TBXAS1: variants seen among roughly 807,000 people sequenced by gnomAD.
TBXAS1 encodes the protein thromboxane A synthase 1.
TBXAS1 carries 48 observed loss-of-function variants against 60.7 expected under a neutral mutation model. The ratio of observed to expected loss-of-function variants is 0.79; its 90% CI spans 0.63 to 1.01. The LOEUF is 1.01. TBXAS1 is among the 50% of genes least tolerant of loss of function. The pLI is 0.00. For synonymous variants in TBXAS1, 287 were observed against 269.7 expected (o/e 1.06, Z -0.63); for missense variants, 685 against 686.3 (o/e 1.00, Z 0.02).
chr7:139,878,030 C>A (rs1802379083), intron 3 of TBXAS1, among the ~76,000 whole-genome samples: 1 of 151,068 alleles, frequency 6.6e-6, no homozygotes, highest in Non-Finnish European at 1.5e-5. Flanking sequence ...CAAAGTAGAG[C>A]CTTTGGGTAT....
intron 1 of TBXAS1, among the ~76,000 whole-genome samples, chr7:139,831,968 G>A (rs764610233): frequency 8.6e-5 from 13 of 150,656 alleles, no homozygotes; most frequent in Non-Finnish European, 1.6e-4. Context: ...AAGGATGGGA[G>A]GATGGAGGGA....
At chr7:139,803,738 G>A (rs937921395) in intron 4 of TBXAS1, among the ~76,000 whole-genome samples, 1 of 152,202 alleles carries the variant, frequency 6.6e-6, no homozygotes, top group African/African-American at 2.4e-5. Context: ...AGGGGCCAAG[G>A]TACCACTTGG....
intron 9 of TBXAS1, among the ~76,000 whole-genome samples, chr7:140,005,625 G>A (rs547571785): frequency 6.6e-4 from 101 of 152,242 alleles, no homozygotes; most frequent in African/African-American, 2.3e-3. Flanking sequence ...AATGCAGACG[G>A]GAGAGCTTTG....
At chr7:139,968,500 G>T (rs745984771) in intron 9 of TBXAS1, among the ~76,000 whole-genome samples, 2 of 152,054 alleles carry the variant, frequency 1.3e-5, no homozygotes, top group African/African-American at 4.8e-5. Context: ...TTTCCATGTT[G>T]GTCAGTCTGG....
At chr7:139,842,695 G>A (rs934136134) in intron 1 of TBXAS1, among the ~76,000 whole-genome samples, 5 of 152,204 alleles carry the variant, frequency 3.3e-5, no homozygotes, top group Non-Finnish European at 7.4e-5. Context: ...TAGCTGATAG[G>A]GGAGTTCCCT....
intron 4 of TBXAS1, among the ~76,000 whole-genome samples, chr7:139,808,335 C>A (rs369784468): frequency 1.1e-4 from 17 of 151,850 alleles, no homozygotes; most frequent in African/African-American, 3.9e-4. Flanking sequence ...GAGACCCTGT[C>A]TCAAAAAAAC....
chr7:139,967,489 G>A (rs2117417615), intron 9 of TBXAS1, among the ~76,000 whole-genome samples: 1 of 152,320 alleles, frequency 6.6e-6, no homozygotes, highest in East Asian at 1.9e-4. Flanking sequence ...GGAGAGAGTA[G>A]GTTCAAGTTC....
intron 3 of TBXAS1, among the ~76,000 whole-genome samples, chr7:139,901,128 C>T (rs1279486119): frequency 6.6e-6 from 1 of 152,168 alleles, no homozygotes; most frequent in East Asian, 1.9e-4. Context: ...ACACACTTCC[C>T]TTACATTTTT....
intron 4 of TBXAS1, among the ~76,000 whole-genome samples, chr7:139,803,250 C>T (rs762811502): frequency 2.9e-4 from 44 of 152,236 alleles, no homozygotes; most frequent in Non-Finnish European, 4.9e-4. Context: ...TGGTCTCAGA[C>T]GGAGATGAGG....
At chr7:139,906,056 A>G in intron 3 of TBXAS1, 1 of 379,146 alleles carries the variant, frequency 2.6e-6, no homozygotes, top group South Asian at 1.9e-5. Flanking sequence ...TATGGATGCC[A>G]ATTACTCTAG....
At chr7:139,881,116 G>T (rs897581143) in intron 3 of TBXAS1, among the ~76,000 whole-genome samples, 1 of 152,086 alleles carries the variant, frequency 6.6e-6, no homozygotes, top group African/African-American at 2.4e-5. Flanking sequence ...TTCTCTGTTG[G>T]GTTATTGATC....
chr7:140,009,955 A>C (rs1488758965), intron 10 of TBXAS1, among the ~76,000 whole-genome samples: 1 of 19,316 alleles, frequency 5.2e-5, no homozygotes, highest in Non-Finnish European at 8.8e-5. Context: ...CCTGCCCCAC[A>C]CCTGCCCCGC....
intron 9 of TBXAS1, among the ~76,000 whole-genome samples, chr7:139,985,602 A>C (rs1191807043): frequency 6.6e-6 from 1 of 152,248 alleles, no homozygotes; most frequent in East Asian, 1.9e-4. Context: ...GTTCTAAAAA[A>C]TTAACTCCTT....
intron 9 of TBXAS1, among the ~76,000 whole-genome samples, chr7:139,972,741 C>A (rs1343194256): frequency 6.6e-6 from 1 of 152,082 alleles, no homozygotes; most frequent in African/African-American, 2.4e-5. Flanking sequence ...CCGTTATTAA[C>A]ACACCACTCA....
chr7:139,841,466 G>A (rs1436703448), intron 1 of TBXAS1, among the ~76,000 whole-genome samples: 1 of 148,270 alleles, frequency 6.7e-6, no homozygotes, highest in Non-Finnish European at 1.5e-5. Flanking sequence ...ATCTAGAGAG[G>A]GATACATCTA....
In TBXAS1 at chr7:139,950,811, T is replaced by C. The variant is rs193951; in HGVS notation, c.451-2557T>C. ...CCTCCATCTACGGGACCCCCTCGCC[T>C]TCCATCTACGGGACCCCCTCGCCCT... On this transcript the variant is annotated intron_variant, in intron 5 of 12. Coordinates refer to ENST00000448866, the MANE Select transcript of TBXAS1 (RefSeq NM_001061.7). Among the ~76,000 whole-genome samples the C allele has an allele frequency of 8.5e-3, 42 of 4,936 alleles. 5 individuals are homozygous for C. In the East Asian group the frequency reaches 0.13, roughly 16 times the overall value. 3.2% of individuals were successfully genotyped at this position (4,936 alleles called of 152,430 possible). A position where few individuals can be genotyped will look rare whatever the true frequency, so the allele number is the denominator to read the frequency against.
intron 10 of TBXAS1, among the ~76,000 whole-genome samples, chr7:140,012,826 A>G (rs557714134): frequency 6.6e-6 from 1 of 152,318 alleles, no homozygotes; most frequent in South Asian, 2.1e-4. Flanking sequence ...AAGTTCAGGA[A>G]GAGAGCGGTT....
intron 3 of TBXAS1, among the ~76,000 whole-genome samples, chr7:139,888,041 T>C (rs943521544): frequency 1.3e-5 from 2 of 152,200 alleles, no homozygotes; most frequent in Admixed American, 6.5e-5. Context: ...ACATTTCTAA[T>C]TGGAATGTAT....
At chr7:139,797,863 A>G (rs1196332815) in intron 4 of TBXAS1, among the ~76,000 whole-genome samples, 1 of 152,200 alleles carries the variant, frequency 6.6e-6, no homozygotes, top group Non-Finnish European at 1.5e-5. Context: ...TGGCCACAGC[A>G]TTCATTTGAT....
Sources: allele counts gnomAD v4.1 joint callset (sites outside exome capture counted in the v4.1 genomes callset), GRCh38; gene constraint gnomAD v4.1.1; transcripts MANE v1.5; gene names NCBI Gene and HGNC (gene_info 2026-07-23, HGNC 2026-07-21).